The following NPTX1 variants were observed in gnomAD, a reference collection of about 807,000 sequenced individuals.
NPTX1 encodes the protein neuronal pentraxin 1, also known as neuronal pentraxin-1.
A neutral mutation model predicts 38.7 loss-of-function variants in NPTX1; 12 were observed. The observed-to-expected ratio is 0.31, with a 90% CI of 0.20 to 0.50. NPTX1 has a LOEUF of 0.50. Among genes scored for constraint, NPTX1 ranks in the 20% least tolerant of loss-of-function variants. NPTX1 has a pLI of 0.98. For synonymous variants in NPTX1, 272 were observed against 264.9 expected (o/e 1.03, Z -0.26); for missense variants, 454 against 592.2 (o/e 0.77, Z 2.42).
chr17:80,474,809 C>CCG (rs2083868593), intron 2 of NPTX1: 1 of 146,078 alleles, frequency 6.8e-6, no homozygotes, highest in Non-Finnish European at 1.5e-5. Context: ...CACCCCCCCC[C>CCG]CTCCCCTTTT....
rs768205890 is a variant in NPTX1, at chr17:80,473,320, G to T, written c.777C>A (p.Leu259=). The change falls in exon 3 of 5, where the codon CTC becomes CTA. Residue 259 remains leucine (L), a synonymous_variant. Coordinates refer to ENST00000306773, the MANE Select transcript of NPTX1 (RefSeq NM_002522.4). ...CCACACCTGGCGTGGCGCTGGACTT[G>T]AGCCACATGCAGACAGTGAAGGCGT... ...EMYAFTVCMW[L]KSSATPGVGT... is the part of the protein sequence containing the mutation. 1 of 1,614,086 alleles carries T rather than the reference G, an allele frequency of 6.2e-7. No individual in the cohort carries two copies. The highest frequency in any genetic ancestry group is 8.5e-7 in the Non-Finnish European group (1 of 1,180,034).
Position 80,473,388 on chromosome 17 carries a change from T to C in NPTX1, c.709A>G (p.Asn237Asp), listed in dbSNP as rs545881263. ...TTCTTCACCTTGGCATACATATAGTTGGTCCGCAGTGGGAATGTGAGCTGG... is the reference window on the plus strand; with the variant it reads ...TTCTTCACCTTGGCATACATATAGTCGGTCCGCAGTGGGAATGTGAGCTGG... ...KFQLTFPLRT[N>D]YMYAKVKKSL... The change falls in exon 3 of 5, where the codon AAC becomes GAC. Residue 237 changes from asparagine (N) to aspartate (D), a missense_variant. This residue lies in a region of NPTX1 where 6 missense variants were observed against 22.4 expected (regional missense o/e 0.27). Transcript: ENST00000306773. The C allele has an allele frequency of 6.2e-7, 1 of 1,613,998 alleles. No individual in the cohort carries two copies. The highest frequency in any genetic ancestry group is 1.7e-5 in the Admixed American group (1 of 60,030).
chr17:80,472,070 C>T (rs1341165311), intron 3 of NPTX1, among the ~76,000 whole-genome samples, 159 bp from the exon 4 acceptor site: 1 of 152,258 alleles, frequency 6.6e-6, no homozygotes, highest in Non-Finnish European at 1.5e-5. Context: ...ACTTCAGCGT[C>T]TGTCAGCCCC....
rs779226779 is a variant in NPTX1 at position 80,470,506 on chromosome 17, C to T, written c.*307G>A. On this transcript the variant is annotated 3_prime_UTR_variant, in exon 5 of 5. Coordinates refer to ENST00000306773, the MANE Select transcript of NPTX1 (RefSeq NM_002522.4). ...ACACGTAGACACACACATGTAGACA[C>T]GCACACACAGATCCTCTCACCAACT... 22 of 264,748 alleles carry T rather than the reference C, an allele frequency of 8.3e-5. No individual in the cohort carries two copies. The highest frequency in any genetic ancestry group is 1.1e-4 in the Non-Finnish European group (15 of 136,954). The allele number at this position is 264,748 out of a possible 1,614,324, so 16.4% of individuals were successfully genotyped here. A position where few individuals can be genotyped will look rare whatever the true frequency, so the allele number is the denominator to read the frequency against.
chr17:80,466,882 C>T lies in NPTX1; in HGVS notation c.*3931G>A, dbSNP rs1242678541. On this transcript the variant is annotated 3_prime_UTR_variant, in exon 5 of 5. Transcript: ENST00000306773. ...TAAAAATAAACTCAACAATTCATGTCATTTCAGCAAGAAAATGAAAAAAAA... is the reference window on the plus strand; with the variant it reads ...TAAAAATAAACTCAACAATTCATGTTATTTCAGCAAGAAAATGAAAAAAAA... Among the ~76,000 whole-genome samples, 1 of 139,804 alleles carries T rather than the reference C, an allele frequency of 7.2e-6. No homozygotes were observed. The highest frequency in any genetic ancestry group is 2.6e-5 in the African/African-American group (1 of 37,828). 91.7% of individuals were successfully genotyped at this position (139,804 alleles called of 152,430 possible).
intron 3 of NPTX1, 54 bp downstream of exon 3, chr17:80,473,146 G>A: frequency 6.3e-7 from 1 of 1,584,744 alleles, no homozygotes; most frequent in African/African-American, 1.3e-5. Flanking sequence ...TGCAACATGA[G>A]CTGGGGCCCT....
At position 80,476,285 on chromosome 17, in the gene NPTX1, G is replaced by A. The variant is rs1311181052; in HGVS notation, c.162C>T (p.Leu54=). 25 of 1,563,202 alleles carry A rather than the reference G, an allele frequency of 1.6e-5. No individual in the cohort carries two copies. Among genetic ancestry groups the A allele is most frequent in the Non-Finnish European group, 2.2e-5 (25 of 1,162,438 alleles). ...CGCGGAGCTGCAGCACGCTGCTCCG[G>A]AGCTCCTCGGCGCCGCCGGCGGCCA... ...ASVAAGGAEE[L]RSSVLQLRET... Residue 54 remains leucine, a synonymous_variant, in exon 1 of 5, where the codon CTC becomes CTT. Coordinates refer to ENST00000306773, the MANE Select transcript of NPTX1 (RefSeq NM_002522.4). This position sits in a 1 kb window ranked among gnomAD's most constrained non-coding sequence, Gnocchi z 6.3.
In NPTX1 at chr17:80,470,596, C is replaced by T. The variant is rs1692701829; in HGVS notation, c.*217G>A. On this transcript the variant is annotated 3_prime_UTR_variant, in exon 5 of 5. Coordinates refer to ENST00000306773, the MANE Select transcript of NPTX1 (RefSeq NM_002522.4). The stretch of plus-strand genomic sequence containing the variant: ...TGAATGGGGCATGCCTGAGAGAGTC[C>T]GGGCTCCTACAGAGAAGTGGGGCTT... 4.0e-6 allele frequency: 2 copies of T among 503,158 alleles called. No homozygotes were observed. Among genetic ancestry groups the T allele is most frequent in the African/African-American group, 1.9e-5 (1 of 52,128 alleles). The allele number at this position is 503,158 out of a possible 1,614,324, so 31.2% of individuals were successfully genotyped here.
intron 4 of NPTX1, 146 bp downstream of exon 4, chr17:80,471,586 G>T: frequency 7.6e-7 from 1 of 1,315,594 alleles, no homozygotes; most frequent in Non-Finnish European, 1.0e-6. Context: ...TCCACCCAGG[G>T]CACAGGCCTT....
chr17:80,470,595 C>G lies in NPTX1; in HGVS notation c.*218G>C, dbSNP rs769167331. The G allele has an allele frequency of 2.0e-6, 1 of 502,732 alleles. No individual in the cohort carries two copies. The highest frequency in any genetic ancestry group is 1.9e-5 in the African/African-American group (1 of 52,246). The allele number at this position is 502,732 out of a possible 1,614,324, so 31.1% of individuals were successfully genotyped here. A position where few individuals can be genotyped will look rare whatever the true frequency, so the allele number is the denominator to read the frequency against. On this transcript the variant is annotated 3_prime_UTR_variant, in exon 5 of 5. Transcript: ENST00000306773. ...GTGAATGGGGCATGCCTGAGAGAGT[C>G]CGGGCTCCTACAGAGAAGTGGGGCT...
chr17:80,471,631 A>G, intron 4 of NPTX1, 101 bp downstream of exon 4: 4 of 1,489,318 alleles, frequency 2.7e-6, no homozygotes, highest in Non-Finnish European at 3.6e-6. Flanking sequence ...TCTCAGGGGA[A>G]CCACTTCTCC....
Position 80,476,544 on chromosome 17 carries a change from G to T in NPTX1, c.-98C>A. 1 of 597,898 alleles carries T rather than the reference G, an allele frequency of 1.7e-6. No individual in the cohort carries two copies. Among genetic ancestry groups the T allele is most frequent in the Non-Finnish European group, 2.1e-6 (1 of 472,840 alleles). The allele number at this position is 597,898 out of a possible 1,614,324, so 37.0% of individuals were successfully genotyped here. ...GGCTGTGGCTCCGCGAGCGGCCCGC[G>T]CTCTGGGCGCCGCGCTCTTCGGCCG... On this transcript the variant is annotated 5_prime_UTR_variant, in exon 1 of 5. Coordinates refer to ENST00000306773, the MANE Select transcript of NPTX1 (RefSeq NM_002522.4). This position sits in a 1 kb window ranked among gnomAD's most constrained non-coding sequence, Gnocchi z 6.3.
At position 80,473,434 on chromosome 17, in the gene NPTX1, G is replaced by A. The variant is rs771180160; in HGVS notation, c.663C>T (p.Asp221=). 1.2e-6 allele frequency: 2 copies of A among 1,613,910 alleles called. No individual in the cohort carries two copies. Among genetic ancestry groups the A allele is most frequent in the South Asian group, 2.2e-5 (2 of 91,082 alleles). The change falls in exon 3 of 5, where the codon GAC becomes GAT. Residue 221 remains aspartate, a synonymous_variant. Coordinates refer to ENST00000306773, the MANE Select transcript of NPTX1 (RefSeq NM_002522.4). ...RISELEKGQK[D]NRPGDKFQLT... The stretch of plus-strand genomic sequence containing the variant: ...GCTGGAACTTGTCTCCAGGGCGGTT[G>A]TCTTTCTGACCTGCGGAAGACACAG...
rs2083877717 is a variant in NPTX1 at position 80,475,857 on chromosome 17, C to T, written c.445-139G>A. The T allele has an allele frequency of 1.2e-6, 1 of 839,040 alleles. No individual in the cohort carries two copies. The highest frequency in any genetic ancestry group is 1.7e-6 in the Non-Finnish European group (1 of 595,156). The allele number at this position is 839,040 out of a possible 1,614,324, so 52.0% of individuals were successfully genotyped here. On this transcript the variant is annotated intron_variant, in intron 1 of 4. Transcript: ENST00000306773. The surrounding 1 kb of genome is among the most constrained non-coding windows in gnomAD (Gnocchi z 6.5). ...GCTGGGGCGAGTGGCCGCCGCGGGG[C>T]CTCGCAGGCGCGGGGAGGCACCGGC... is the stretch of plus-strand genomic sequence containing the variant.
At position 80,476,306 on chromosome 17, in the gene NPTX1, G is replaced by A; in HGVS notation, c.141C>T (p.Ala47=). Residue 47 remains alanine, a synonymous_variant, in exon 1 of 5, where the codon GCC becomes GCT. Transcript: ENST00000306773. This position sits in a 1 kb window ranked among gnomAD's most constrained non-coding sequence, Gnocchi z 6.3. ...VDADMCAASV[A]AGGAEELRSS... is the part of the protein sequence containing the mutation. ...TCCGGAGCTCCTCGGCGCCGCCGGCGGCCACGGACGCGGCGCACATGTCGG... is the reference window on the plus strand; with the variant it reads ...TCCGGAGCTCCTCGGCGCCGCCGGCAGCCACGGACGCGGCGCACATGTCGG... 1 of 1,554,164 alleles carries A rather than the reference G, an allele frequency of 6.4e-7. No individual in the cohort carries two copies. The highest frequency in any genetic ancestry group is 8.6e-7 in the Non-Finnish European group (1 of 1,157,108).
Position 80,469,456 on chromosome 17 carries a change from T to A in NPTX1, c.*1357A>T, listed in dbSNP as rs2083826248. Reference sequence around the variant, plus strand: ...TCCTTGGAAGGACTAGAAGGAAATGTCCATGTTGCTTTTCACGGGGAACAA... The same window carrying A: ...TCCTTGGAAGGACTAGAAGGAAATGACCATGTTGCTTTTCACGGGGAACAA... On this transcript the variant is annotated 3_prime_UTR_variant, in exon 5 of 5. Transcript: ENST00000306773. The A allele has an allele frequency of 6.6e-6, 1 of 152,268 alleles. No individual in the cohort carries two copies. The highest frequency in any genetic ancestry group is 1.5e-5 in the Non-Finnish European group (1 of 68,062). The allele number at this position is 152,268 out of a possible 1,614,324, so 9.4% of individuals were successfully genotyped here.
In NPTX1 at chr17:80,476,116, G is replaced by A; in HGVS notation, c.331C>T (p.Pro111Ser). The change falls in exon 1 of 5, where the codon CCC becomes TCC. Residue 111 changes from proline (P) to serine (S), a missense_variant. Around this residue, in one of 4 missense-constraint regions of NPTX1, gnomAD observed 288 missense variants for 318.4 expected, o/e 0.90. Transcript: ENST00000306773. The surrounding 1 kb of genome is among the most constrained non-coding windows in gnomAD (Gnocchi z 6.3). ...CCCATGGTGTTCTTGCCCGAGCCGG[G>A]CTGCTTGCGGCCGCCGCCCGCCCGG... ...EARAGGGRKQ[P>S]GSGKNTMGDL... 1 of 1,600,724 alleles carries A rather than the reference G, an allele frequency of 6.2e-7. No individual in the cohort carries two copies. The highest frequency in any genetic ancestry group is 8.5e-7 in the Non-Finnish European group (1 of 1,176,700).
In NPTX1 at chr17:80,475,873, A is replaced by G; in HGVS notation, c.444+130T>C. On this transcript the variant is annotated intron_variant, in intron 1 of 4. Transcript: ENST00000306773. The surrounding 1 kb of genome is among the most constrained non-coding windows in gnomAD (Gnocchi z 6.5). ...GCCGCGGGGCCTCGCAGGCGCGGGGAGGCACCGGCCGGGCACCCGCGCGGC... is the reference window on the plus strand; with the variant it reads ...GCCGCGGGGCCTCGCAGGCGCGGGGGGGCACCGGCCGGGCACCCGCGCGGC... 2.4e-6 allele frequency: 2 copies of G among 834,532 alleles called. No homozygotes were observed. The highest frequency in any genetic ancestry group is 3.4e-6 in the Non-Finnish European group (2 of 595,758). 51.7% of individuals were successfully genotyped at this position (834,532 alleles called of 1,614,324 possible).
In NPTX1 at chr17:80,475,850, C is replaced by T. The variant is rs896532583; in HGVS notation, c.445-132G>A. 10 of 834,958 alleles carry T rather than the reference C, an allele frequency of 1.2e-5. No individual in the cohort carries two copies. The African/African-American group carries it at 1.6e-4, about 14-fold the overall frequency. The allele number at this position is 834,958 out of a possible 1,614,324, so 51.7% of individuals were successfully genotyped here. A position where few individuals can be genotyped will look rare whatever the true frequency, so the allele number is the denominator to read the frequency against. On this transcript the variant is annotated intron_variant, in intron 1 of 4. Coordinates refer to ENST00000306773, the MANE Select transcript of NPTX1 (RefSeq NM_002522.4). The surrounding 1 kb of genome is among the most constrained non-coding windows in gnomAD (Gnocchi z 6.5). ...GCAGGGAGCTGGGGCGAGTGGCCGCCGCGGGGCCTCGCAGGCGCGGGGAGG... is the reference window on the plus strand; with the variant it reads ...GCAGGGAGCTGGGGCGAGTGGCCGCTGCGGGGCCTCGCAGGCGCGGGGAGG...
Sources: allele counts gnomAD v4.1 joint callset (sites outside exome capture counted in the v4.1 genomes callset), GRCh38; gene constraint gnomAD v4.1.1; regional missense constraint gnomAD v4.1.1; non-coding constraint Gnocchi (gnomAD v3.1); transcripts MANE v1.5; gene names NCBI Gene and HGNC (gene_info 2026-07-23, HGNC 2026-07-21).